ALAS1: variants seen among roughly 807,000 people sequenced by gnomAD.
ALAS1 encodes 5-aminolevulinate synthase, non-specific, mitochondrial.
Under a neutral mutation model 59.6 loss-of-function variants are expected in ALAS1, and 29 were observed. That is an observed-to-expected ratio of 0.49 (90% CI 0.36 to 0.66). The LOEUF is 0.66. Among genes scored for constraint, ALAS1 ranks in the 30% least tolerant of loss-of-function variants. The pLI is 0.00. For missense variants in ALAS1, 690 were observed against 807.5 expected, an observed-to-expected ratio of 0.85 and a Z score of 1.76; for synonymous variants, 299 against 296.6, an observed-to-expected ratio of 1.01 and a Z score of -0.08.
At chr3:52,203,839 TG>T (rs745922702) in intron 4 of ALAS1, 23 bp from the exon 5 acceptor site, 4 of 1,559,898 alleles carry the variant, frequency 2.6e-6, no homozygotes, top group Non-Finnish European at 3.5e-6. Flanking sequence ...TGGTCCCATT[TG>T]TTTCTTGTTA....
At chr3:52,199,120 T>A in intron 2 of ALAS1, 90 bp from the exon 3 acceptor site, 1 of 1,301,550 alleles carries the variant, frequency 7.7e-7, no homozygotes, top group Non-Finnish European at 1.1e-6. Context: ...AGGGTACCCT[T>A]TATATAAACT....
chr3:52,204,878 G>A lies in ALAS1; in HGVS notation c.763G>A (p.Gly255Arg). The part of the protein sequence containing the change: ...VSVWCSNDYL[G>R]MSRHPRVCGA... ...AGTCTGGTGCAGTAATGACTACCTA[G>A]GAATGAGTCGCCACCCACGGGTGTG... Residue 255 changes from glycine to arginine, a missense_variant, in exon 6 of 12, where the codon GGA (glycine) becomes AGA (arginine). By Grantham distance (125) the Gly-to-Arg change is moderately radical (BLOSUM62 -2). Transcript: ENST00000484952. 1 of 1,614,128 alleles carries A rather than the reference G, an allele frequency of 6.2e-7. No individual in the cohort carries two copies. The highest frequency in any genetic ancestry group is 8.5e-7 in the Non-Finnish European group (1 of 1,180,014).
At chr3:52,205,727 A>G (rs1408675693) in intron 6 of ALAS1, 112 bp from the exon 7 acceptor site, 2 of 1,019,618 alleles carry the variant, frequency 2.0e-6, no homozygotes, top group Non-Finnish European at 1.4e-6. Flanking sequence ...ACAGTGAGAG[A>G]GTTGCTACAT....
At chr3:52,208,521 C>G (rs547157116) in intron 9 of ALAS1, among the ~76,000 whole-genome samples, 18 of 152,336 alleles carry the variant, frequency 1.2e-4, no homozygotes, top group African/African-American at 3.6e-4. Context: ...CATGCCATGG[C>G]AAGAGCCTGT....
At chr3:52,205,284 C>T (rs1323052673) in intron 6 of ALAS1, among the ~76,000 whole-genome samples, 1 of 152,174 alleles carries the variant, frequency 6.6e-6, no homozygotes, top group Non-Finnish European at 1.5e-5. Flanking sequence ...GAAAAAGCTA[C>T]TCCAAAAGAC....
Position 52,212,242 on chromosome 3 carries a change from C to T in ALAS1, c.1600-16C>T. Reference sequence around the variant, plus strand: ...CTTCCTGTTGTGACCTTACCTTCTGCTCTCATTGAACTTAGGTTGCAGATG... The same window carrying T: ...CTTCCTGTTGTGACCTTACCTTCTGTTCTCATTGAACTTAGGTTGCAGATG... On this transcript the variant is annotated splice_polypyrimidine_tract_variant and intron_variant, in intron 10 of 11. Coordinates refer to ENST00000484952, the MANE Select transcript of ALAS1 (RefSeq NM_000688.6). The T allele has an allele frequency of 6.2e-7, 1 of 1,610,442 alleles. No homozygotes were observed.
intron 1 of ALAS1, 48 bp downstream of exon 1, chr3:52,198,303 G>A: frequency 2.5e-6 from 1 of 405,676 alleles, no homozygotes; most frequent in Admixed American, 4.2e-5. Context: ...AAGCCCCGGG[G>A]TGTCCTGCCA....
chr3:52,206,364 G>A (rs1577967277), intron 7 of ALAS1, among the ~76,000 whole-genome samples: 1 of 152,146 alleles, frequency 6.6e-6, no homozygotes, highest in South Asian at 2.1e-4. Flanking sequence ...CAGATTAATG[G>A]CCTGCCACAA....
At chr3:52,202,796 C>A in intron 4 of ALAS1, 62 bp downstream of exon 4, 1 of 1,509,624 alleles carries the variant, frequency 6.6e-7, no homozygotes, top group East Asian at 2.3e-5. Context: ...CTTTTGGGCC[C>A]TCAGATTTGT....
chr3:52,199,997 C>G (rs1577960272), intron 3 of ALAS1, among the ~76,000 whole-genome samples: 1 of 152,168 alleles, frequency 6.6e-6, no homozygotes, highest in East Asian at 1.9e-4. Flanking sequence ...AATTTTTGTA[C>G]TTTTAGTAGG....
intron 10 of ALAS1, 85 bp downstream of exon 10, chr3:52,211,636 G>A (rs1699412311): frequency 6.4e-7 from 1 of 1,555,738 alleles, no homozygotes; most frequent in South Asian, 1.2e-5. Context: ...CCTTCCTGAA[G>A]TTGGGCTTGA....
intron 3 of ALAS1, among the ~76,000 whole-genome samples, chr3:52,200,131 A>C (rs1393526133): frequency 6.6e-6 from 1 of 152,154 alleles, no homozygotes; most frequent in Non-Finnish European, 1.5e-5. Context: ...GGCTTTTTAA[A>C]GTAGTGATTT....
chr3:52,204,658 C>T (rs1327146067), intron 5 of ALAS1, 35 bp from the exon 6 acceptor site: 4 of 1,574,456 alleles, frequency 2.5e-6, no homozygotes, highest in Non-Finnish European at 2.6e-6. Context: ...TGTTTCACAA[C>T]CACCATTCTG....
Position 52,214,088 on chromosome 3 carries a change from T to C in ALAS1, c.1831T>C (p.Phe611Leu). The stretch of plus-strand genomic sequence containing the variant: ...GCCTCATTCCTCAGCTGAGTGCAAC[T>C]TCTGCAGGAGGCCACTGCATTTTGA... ...LKPHSSAECN[F>L]CRRPLHFEVM... The change falls in exon 12 of 12, where the codon TTC becomes CTC. Residue 611 changes from phenylalanine to leucine, a missense_variant. Transcript: ENST00000484952. 1 of 1,613,998 alleles carries C rather than the reference T, an allele frequency of 6.2e-7. No individual in the cohort carries two copies. The highest frequency in any genetic ancestry group is 8.5e-7 in the Non-Finnish European group (1 of 1,179,838).
chr3:52,203,107 G>A (rs1699221101), intron 4 of ALAS1, among the ~76,000 whole-genome samples: 1 of 152,204 alleles, frequency 6.6e-6, no homozygotes, highest in South Asian at 2.1e-4. Context: ...CCCAAGCCGT[G>A]TGTCTTACTG....
Position 52,204,714 on chromosome 3 carries a change from A to G in ALAS1, c.599A>G (p.Asp200Gly). The G allele has an allele frequency of 6.2e-7, 1 of 1,614,050 alleles. No individual in the cohort carries two copies. The highest frequency in any genetic ancestry group is 8.5e-7 in the Non-Finnish European group (1 of 1,180,000). The change falls in exon 6 of 12, where the codon GAT (aspartate) becomes GGT (glycine). Residue 200 changes from aspartate to glycine, a missense_variant. Physicochemically the swap from Asp to Gly is moderately conservative, Grantham distance 94. Transcript: ENST00000484952. ...LPKSVSTFQYDRFFEKKIDEK... is the reference protein window; with the variant it reads ...LPKSVSTFQYGRFFEKKIDEK... ...TTAGCTGTTTCCACTTTTCAGTATG[A>G]TCGTTTCTTTGAGAAAAAAATTGAT...
intron 8 of ALAS1, among the ~76,000 whole-genome samples, chr3:52,207,687 A>T (rs572673557): frequency 6.6e-6 from 1 of 151,892 alleles, no homozygotes; most frequent in Admixed American, 6.6e-5. Flanking sequence ...CTTTGTGTCC[A>T]TGTGTTCTCA....
In ALAS1 at chr3:52,199,397, A is replaced by C; in HGVS notation, c.156A>C (p.Ala52=). The C allele has an allele frequency of 6.2e-7, 1 of 1,614,234 alleles. No homozygotes were observed. Among genetic ancestry groups the C allele is most frequent in the Non-Finnish European group, 8.5e-7 (1 of 1,180,042 alleles). Residue 52 remains alanine (A), a synonymous_variant, in exon 3 of 12, where the codon GCA becomes GCC. Coordinates refer to ENST00000484952, the MANE Select transcript of ALAS1 (RefSeq NM_000688.6). The part of the protein sequence containing the change: ...KPAPRALSTA[A]VHYQQIKETP... ...CCCCTCGGGCATTGTCCACTGCAGC[A>C]GTACACTACCAACAGATCAAAGAAA...
At position 52,214,231 on chromosome 3, in the gene ALAS1, G is replaced by T. The variant is rs375482359; in HGVS notation, c.*51G>T. On this transcript the variant is annotated 3_prime_UTR_variant, in exon 12 of 12. Transcript: ENST00000484952. Reference sequence around the variant, plus strand: ...CCCCAGGCCATTATCATATCCAGATGGTCTTCAGAGTTGTCTTTATATGTG... The same window carrying T: ...CCCCAGGCCATTATCATATCCAGATTGTCTTCAGAGTTGTCTTTATATGTG... 2 of 1,477,928 alleles carry T rather than the reference G, an allele frequency of 1.4e-6. No homozygotes were observed. Among genetic ancestry groups the T allele is most frequent in the African/African-American group, 1.4e-5 (1 of 71,842 alleles). 91.6% of individuals were successfully genotyped at this position (1,477,928 alleles called of 1,614,324 possible). A position where few individuals can be genotyped will look rare whatever the true frequency, so the allele number is the denominator to read the frequency against.
Sources: allele counts gnomAD v4.1 joint callset (sites outside exome capture counted in the v4.1 genomes callset), GRCh38; gene constraint gnomAD v4.1.1; transcripts MANE v1.5; gene names NCBI Gene and HGNC (gene_info 2026-07-23, HGNC 2026-07-21).